Variants in SNTB1 observed in about 807,000 individuals in gnomAD.
SNTB1 encodes syntrophin beta 1.
Under a neutral mutation model 48.9 loss-of-function variants are expected in SNTB1, and 36 were observed. The observed-to-expected ratio is 0.74, with a 90% CI of 0.56 to 0.97. SNTB1 has a LOEUF of 0.97. SNTB1 is among the 50% of genes least tolerant of loss of function. The pLI, the probability that SNTB1 is intolerant of heterozygous loss-of-function variation, is 0.00. For synonymous variants in SNTB1, 299 were observed against 294.6 expected, an observed-to-expected ratio of 1.01 and a Z score of -0.15; for missense variants, 786 against 703.4, an observed-to-expected ratio of 1.12 and a Z score of -1.33.
At chr8:120,718,923 G>A (rs187384859) in intron 1 of SNTB1, among the ~76,000 whole-genome samples, 8 of 152,296 alleles carry the variant, frequency 5.3e-5, no homozygotes, top group African/African-American at 7.2e-5. Context: ...GGTTCAGAGC[G>A]ACTGTGATAC....
At chr8:120,741,272 T>G (rs1336243427) in intron 1 of SNTB1, among the ~76,000 whole-genome samples, 1 of 152,244 alleles carries the variant, frequency 6.6e-6, no homozygotes, top group Non-Finnish European at 1.5e-5. Context: ...CAATTTTGAT[T>G]CATGTTCTAC....
intron 2 of SNTB1, among the ~76,000 whole-genome samples, chr8:120,647,319 C>T (rs1446548143): frequency 2.1e-5 from 3 of 145,106 alleles, no homozygotes; most frequent in Admixed American, 7.0e-5. Context: ...ATAAATTTCC[C>T]TCTACACACT....
At chr8:120,794,808 C>T (rs1410859095) in intron 1 of SNTB1, among the ~76,000 whole-genome samples, 1 of 152,038 alleles carries the variant, frequency 6.6e-6, no homozygotes, top group East Asian at 1.9e-4. Flanking sequence ...AGGAACCACA[C>T]CTTCCATCAG....
chr8:120,618,040 G>A lies in SNTB1; in HGVS notation c.996+14404C>T, dbSNP rs1486915932. ...CTAAGATTAATGGCTATTCTTAAAC[G>A]AGGCCATGCATTTTGCGTCTTTATG... is the stretch of plus-strand genomic sequence containing the variant. On this transcript the variant is annotated intron_variant, in intron 3 of 6. Coordinates refer to ENST00000517992, the MANE Select transcript of SNTB1 (RefSeq NM_021021.4). Among the ~76,000 whole-genome samples the A allele has an allele frequency of 2.6e-5, 4 of 151,956 alleles. No individual in the cohort carries two copies. The East Asian group carries it at 7.7e-4, about 29-fold the overall frequency.
chr8:120,547,592 C>CAAAAAA (rs11289979), intron 5 of SNTB1, among the ~76,000 whole-genome samples: 2 of 89,064 alleles, frequency 2.2e-5, no homozygotes, highest in African/African-American at 4.9e-5. Context: ...AACACTGTCT[C>CAAAAAA]AAAAAAAAAA....
rs567990728 is a variant in SNTB1, at chr8:120,563,707, C to G, written c.1136+11379G>C. On this transcript the variant is annotated intron_variant, in intron 4 of 6. Transcript: ENST00000517992. ...TGATTTAGAAGAAAACTGTTTCCTA[C>G]TGGCTATAGTCCTGGCCATTCCCTC... Among the ~76,000 whole-genome samples, 11 of 152,352 alleles carry G rather than the reference C, an allele frequency of 7.2e-5. No homozygotes were observed. In the South Asian group the frequency reaches 1.7e-3, roughly 23 times the overall value.
intron 3 of SNTB1, among the ~76,000 whole-genome samples, chr8:120,612,966 A>G (rs1031173693): frequency 5.3e-5 from 8 of 152,184 alleles, no homozygotes; most frequent in South Asian, 2.1e-4. Flanking sequence ...ATAGTCACTC[A>G]GATGGAACTG....
chr8:120,723,906 G>A (rs1472165979), intron 1 of SNTB1, among the ~76,000 whole-genome samples: 1 of 152,210 alleles, frequency 6.6e-6, no homozygotes, highest in Non-Finnish European at 1.5e-5. Flanking sequence ...TAGTGGGGAA[G>A]GCAGCAGACA....
intron 1 of SNTB1, among the ~76,000 whole-genome samples, chr8:120,699,381 G>A (rs745321785): frequency 1.8e-4 from 28 of 152,170 alleles, no homozygotes; most frequent in East Asian, 1.5e-3. Context: ...ATGGCTTAGC[G>A]CCATCCCCTT....
intron 1 of SNTB1, among the ~76,000 whole-genome samples, chr8:120,782,411 A>G (rs948021179): frequency 6.7e-6 from 1 of 148,764 alleles, no homozygotes; most frequent in African/African-American, 2.6e-5. Context: ...CTTTTTTAAA[A>G]GAAACCTTTT....
At chr8:120,703,372 G>T (rs866640024) in intron 1 of SNTB1, among the ~76,000 whole-genome samples, 1 of 152,146 alleles carries the variant, frequency 6.6e-6, no homozygotes, top group Admixed American at 6.5e-5. Flanking sequence ...TGATCCATCC[G>T]CCTTGGCCTC....
intron 1 of SNTB1, among the ~76,000 whole-genome samples, chr8:120,754,855 T>G (rs1203122268): frequency 6.6e-6 from 1 of 152,142 alleles, no homozygotes; most frequent in Non-Finnish European, 1.5e-5. Flanking sequence ...GCTGGGAACT[T>G]GCATCATTTA....
chr8:120,792,658 A>G (rs1201214964), intron 1 of SNTB1, among the ~76,000 whole-genome samples: 2 of 152,006 alleles, frequency 1.3e-5, no homozygotes, highest in African/African-American at 4.8e-5. Context: ...GCTAAAGTAT[A>G]GCGTTAACCT....
At chr8:120,632,886 A>T (rs1368499580) in intron 2 of SNTB1, among the ~76,000 whole-genome samples, 1 of 152,140 alleles carries the variant, frequency 6.6e-6, no homozygotes, top group African/African-American at 2.4e-5. Context: ...GCAACCACCA[A>T]ATCACCTAAA....
intron 1 of SNTB1, among the ~76,000 whole-genome samples, chr8:120,774,839 A>G (rs1819704170): frequency 6.6e-6 from 1 of 151,914 alleles, no homozygotes; most frequent in Non-Finnish European, 1.5e-5. Flanking sequence ...TTTTTGGTAG[A>G]GATGGGGTTT....
At chr8:120,556,345 C>A (rs924486527) in intron 4 of SNTB1, among the ~76,000 whole-genome samples, 2 of 152,130 alleles carry the variant, frequency 1.3e-5, no homozygotes, top group Non-Finnish European at 2.9e-5. Flanking sequence ...TAAAGATCTT[C>A]CTCCAGAGAG....
At chr8:120,722,587 G>T (rs904300996) in intron 1 of SNTB1, among the ~76,000 whole-genome samples, 5 of 152,072 alleles carry the variant, frequency 3.3e-5, no homozygotes, top group Non-Finnish European at 7.4e-5. Flanking sequence ...ACTTTTTGAT[G>T]GGGTTGTTTT....
intron 2 of SNTB1, among the ~76,000 whole-genome samples, chr8:120,681,065 A>G (rs1487019450): frequency 2.6e-5 from 4 of 152,186 alleles, no homozygotes; most frequent in Non-Finnish European, 2.9e-5. Context: ...ATTCATTCAC[A>G]CTGATTAAAA....
At chr8:120,645,014 G>GT (rs940759760) in intron 2 of SNTB1, among the ~76,000 whole-genome samples, 1 of 148,216 alleles carries the variant, frequency 6.7e-6, no homozygotes, top group Non-Finnish European at 1.5e-5. Flanking sequence ...GGGGTTGTTT[G>GT]TTTTTTTCTT....
Sources: gnomAD v4.1 joint callset for allele counts (sites outside exome capture counted in the v4.1 genomes callset) on GRCh38, gnomAD v4.1.1 for gene constraint, MANE v1.5 for transcripts, NCBI Gene and HGNC (gene_info 2026-07-23, HGNC 2026-07-21) for gene names.